Variants in FGF14 observed in about 807,000 individuals in gnomAD.
The protein encoded by FGF14 is fibroblast growth factor 14, also known as fibroblast growth factor homologous factor 4.
Under a neutral mutation model 25.5 loss-of-function variants are expected in FGF14, and 5 were observed. The observed-to-expected ratio is 0.20, with a 90% CI of 0.10 to 0.41. The LOEUF is 0.41. FGF14 is among the 10% of genes least tolerant of loss of function. The pLI, the probability that FGF14 is intolerant of heterozygous loss-of-function variation, is 1.00. For synonymous variants in FGF14, 138 were observed against 118.3 expected (o/e 1.17, Z -1.08); for missense variants, 222 against 320.1 (o/e 0.69, Z 2.34).
At chr13:101,767,429 G>T (rs756114510) in intron 3 of FGF14, among the ~76,000 whole-genome samples, 20 of 152,154 alleles carry the variant, frequency 1.3e-4, no homozygotes, top group Non-Finnish European at 1.5e-4. Context: ...ATAGAGCAAA[G>T]CTTTACTAAA....
chr13:102,275,786 G>A (rs1287030601), intron 1 of FGF14, among the ~76,000 whole-genome samples: 1 of 152,034 alleles, frequency 6.6e-6, no homozygotes, highest in East Asian at 1.9e-4. Flanking sequence ...GACAACTCAG[G>A]CTCCAATTTA....
intron 1 of FGF14, among the ~76,000 whole-genome samples, chr13:102,139,654 A>G (rs1021556217): frequency 6.6e-6 from 1 of 152,124 alleles, no homozygotes; most frequent in Admixed American, 6.5e-5. Context: ...AGGGACTTAG[A>G]ATAGGCTCTT....
intron 1 of FGF14, among the ~76,000 whole-genome samples, chr13:102,039,846 A>G (rs1363222760): frequency 1.3e-5 from 2 of 152,118 alleles, no homozygotes; most frequent in Non-Finnish European, 2.9e-5. Context: ...TGGCTTCCTC[A>G]GTCAGAGAAA....
intron 3 of FGF14, among the ~76,000 whole-genome samples, chr13:101,825,858 T>G (rs1020231293): frequency 2.0e-5 from 3 of 152,102 alleles, no homozygotes; most frequent in African/African-American, 7.2e-5. Context: ...CCATGAGGAT[T>G]GTAAGGGGGT....
intron 3 of FGF14, among the ~76,000 whole-genome samples, chr13:101,845,739 A>C (rs2043423185): frequency 6.6e-6 from 1 of 152,012 alleles, no homozygotes; most frequent in South Asian, 2.1e-4. Flanking sequence ...GGAGTGTTTC[A>C]AGAACAGGAA....
At chr13:102,070,237 T>C (rs2043100134) in intron 1 of FGF14, among the ~76,000 whole-genome samples, 1 of 152,204 alleles carries the variant, frequency 6.6e-6, no homozygotes, top group Non-Finnish European at 1.5e-5. Context: ...TAGACATTTC[T>C]CAAAATAAGA....
intron 3 of FGF14, among the ~76,000 whole-genome samples, chr13:101,757,789 T>C (rs576641815): frequency 2.0e-5 from 3 of 152,304 alleles, no homozygotes; most frequent in African/African-American, 4.8e-5. Context: ...ATACAGATTA[T>C]TGTATTTAGC....
intron 1 of FGF14, among the ~76,000 whole-genome samples, chr13:102,096,551 T>C (rs1251759476): frequency 6.6e-6 from 1 of 152,230 alleles, no homozygotes; most frequent in South Asian, 2.1e-4. Flanking sequence ...TGTTTTTATA[T>C]GTGATTGTAT....
chr13:102,144,483 TATATG>T (rs1379941187), intron 1 of FGF14, among the ~76,000 whole-genome samples: 1 of 151,218 alleles, frequency 6.6e-6, no homozygotes, highest in Admixed American at 6.6e-5. Flanking sequence ...TGTATTATAG[TATATG>T]ATAGCTATTT....
At chr13:101,973,518 C>G (rs532057024) in intron 1 of FGF14, among the ~76,000 whole-genome samples, 1 of 152,210 alleles carries the variant, frequency 6.6e-6, no homozygotes, top group African/African-American at 2.4e-5. Flanking sequence ...CTCACACGAT[C>G]ACAAGGTCCC....
intron 1 of FGF14, among the ~76,000 whole-genome samples, chr13:101,994,317 G>A (rs1454349190): frequency 1.3e-5 from 2 of 151,914 alleles, no homozygotes; most frequent in African/African-American, 4.8e-5. Flanking sequence ...ATTAATTAAT[G>A]TCAGTATATA....
At chr13:101,921,388 T>C (rs144988481), upstream of FGF14, among the ~76,000 whole-genome samples, 61 of 152,334 alleles carry the variant, frequency 4.0e-4, no homozygotes, top group Non-Finnish European at 6.6e-4. Flanking sequence ...AACGAACTAC[T>C]GTTCTTCCTT....
chr13:102,288,583 A>T (rs1305148418), intron 1 of FGF14, among the ~76,000 whole-genome samples: 2 of 151,672 alleles, frequency 1.3e-5, no homozygotes, highest in Non-Finnish European at 1.5e-5. Flanking sequence ...TTTATTTAAA[A>T]TTTTTTTATT....
chr13:102,235,142 CA>C (rs2051271732), intron 1 of FGF14, among the ~76,000 whole-genome samples: 1 of 152,050 alleles, frequency 6.6e-6, no homozygotes, highest in Non-Finnish European at 1.5e-5. Context: ...ATTTCTGAAA[CA>C]AAAAACACAA....
intron 1 of FGF14, among the ~76,000 whole-genome samples, chr13:102,175,021 T>C (rs908189168): frequency 6.6e-6 from 1 of 152,146 alleles, no homozygotes; most frequent in African/African-American, 2.4e-5. Context: ...AAAATGTCCA[T>C]ACTGCCCAAA....
At chr13:102,245,339 AG>A (rs1441864836) in intron 1 of FGF14, among the ~76,000 whole-genome samples, 2 of 152,142 alleles carry the variant, frequency 1.3e-5, no homozygotes, top group Non-Finnish European at 1.5e-5. Context: ...AAAACGTTAG[AG>A]AACAATTACT....
At chr13:101,899,182 C>T (rs2031178290) in intron 1 of FGF14, among the ~76,000 whole-genome samples, 1 of 147,998 alleles carries the variant, frequency 6.8e-6, no homozygotes, top group South Asian at 2.1e-4. Flanking sequence ...AAACTGGAAT[C>T]TTCTGCCCCA....
chr13:102,121,768 G>A (rs1172106517), intron 1 of FGF14, among the ~76,000 whole-genome samples: 3 of 152,142 alleles, frequency 2.0e-5, no homozygotes, highest in Admixed American at 6.5e-5. Flanking sequence ...CTGCTATATC[G>A]AGTGTGTTCT....
At chr13:101,848,235 A>C (rs1594466268) in intron 3 of FGF14, among the ~76,000 whole-genome samples, 1 of 152,012 alleles carries the variant, frequency 6.6e-6, no homozygotes, top group African/African-American at 2.4e-5. Context: ...CAAGATATGC[A>C]TTTTACCTTT....
Sources: gnomAD v4.1 joint callset for allele counts (sites outside exome capture counted in the v4.1 genomes callset) on GRCh38, gnomAD v4.1.1 for gene constraint, MANE v1.5 for transcripts, NCBI Gene and HGNC (gene_info 2026-07-23, HGNC 2026-07-21) for gene names.